The following PABPC4L variants were observed in gnomAD, a reference collection of about 807,000 sequenced individuals.
PABPC4L encodes poly(A) binding protein cytoplasmic 4 like.
For missense variants in PABPC4L, 452 were observed against 451.4 expected (o/e 1.00, Z -0.01); for synonymous variants, 169 against 164.1 (o/e 1.03, Z -0.23).
chr4:134,102,112 T>A, the PABPC4L span, among the ~76,000 whole-genome samples: 1 of 151,408 alleles, frequency 6.6e-6, no homozygotes, highest in Non-Finnish European at 1.5e-5. Flanking sequence ...CATTTAAAAA[T>A]AACCCTGAAC....
the PABPC4L span, among the ~76,000 whole-genome samples, chr4:134,108,856 T>C: frequency 6.6e-6 from 1 of 151,914 alleles, no homozygotes; most frequent in Non-Finnish European, 1.5e-5. Context: ...AAGGAGGACA[T>C]TTTTATATAG....
At chr4:133,948,691 C>T in the PABPC4L span, among the ~76,000 whole-genome samples, 27 of 152,296 alleles carry the variant, frequency 1.8e-4, no homozygotes, top group East Asian at 5.0e-3. Context: ...ACATTCTTTT[C>T]GAATTGGTAT....
chr4:134,200,935 T>A lies in PABPC4L; in HGVS notation c.85A>T (p.Lys29Ter), dbSNP rs1423242541. 6.4e-7 allele frequency: 1 copy of A among 1,560,010 alleles called. No homozygotes were observed. Among genetic ancestry groups the A allele is most frequent in the East Asian group, 2.4e-5 (1 of 41,788 alleles). Reference protein sequence around the residue: ...ADVTEDLLFRKFSTVGPVLSI... With the variant: ...ADVTEDLLFR Reference sequence around the variant, plus strand: ...AGCACAGGCCCCACAGTGCTGAACTTCCTGAACAGCAGGTCCTCGGTGACA... The same window carrying A: ...AGCACAGGCCCCACAGTGCTGAACTACCTGAACAGCAGGTCCTCGGTGACA... The change falls in exon 2 of 2, where the codon AAG becomes TAG. Residue 29 changes from lysine (K) to a stop codon, truncating the protein, a stop_gained. Transcript: ENST00000421491. LOFTEE classifies it low-confidence loss of function (END_TRUNC).
At chr4:134,154,463 A>G in the PABPC4L span, among the ~76,000 whole-genome samples, 1 of 152,094 alleles carries the variant, frequency 6.6e-6, no homozygotes, top group Admixed American at 6.6e-5. Context: ...TTAAAAAATA[A>G]ATAAATAAAT....
At chr4:134,035,780 G>A in the PABPC4L span, among the ~76,000 whole-genome samples, 2 of 151,984 alleles carry the variant, frequency 1.3e-5, no homozygotes, top group Non-Finnish European at 2.9e-5. Flanking sequence ...TATGATGGTT[G>A]AAATGATCAG....
At chr4:134,163,913 TC>T in the PABPC4L span, among the ~76,000 whole-genome samples, 1 of 151,972 alleles carries the variant, frequency 6.6e-6, no homozygotes, top group Non-Finnish European at 1.5e-5. Context: ...GTTGAAAGCA[TC>T]CCCACAAAGA....
chr4:134,104,172 G>A, the PABPC4L span, among the ~76,000 whole-genome samples: 1 of 151,712 alleles, frequency 6.6e-6, no homozygotes, highest in Admixed American at 6.6e-5. Flanking sequence ...TCCTGAATGT[G>A]AATTTCTCTA....
chr4:134,139,068 AAAGC>A, the PABPC4L span, among the ~76,000 whole-genome samples: 2 of 151,982 alleles, frequency 1.3e-5, no homozygotes, highest in East Asian at 3.8e-4. Context: ...TCATACAAAG[AAAGC>A]AAGTGACTCA....
the PABPC4L span, among the ~76,000 whole-genome samples, chr4:134,169,718 T>C: frequency 6.6e-6 from 1 of 152,012 alleles, no homozygotes; most frequent in South Asian, 2.1e-4. Flanking sequence ...CCTGGGAATA[T>C]ACTTGGCCAA....
the PABPC4L span, among the ~76,000 whole-genome samples, chr4:134,135,899 G>A: frequency 6.6e-6 from 1 of 151,894 alleles, no homozygotes; most frequent in Non-Finnish European, 1.5e-5. Context: ...CCTATCACTC[G>A]ATTGAATCAC....
chr4:133,967,454 G>A, the PABPC4L span, among the ~76,000 whole-genome samples: 1 of 152,130 alleles, frequency 6.6e-6, no homozygotes, highest in East Asian at 1.9e-4. Context: ...GGTCTACTCT[G>A]GAGATATACA....
the PABPC4L span, among the ~76,000 whole-genome samples, chr4:133,981,172 A>AG: frequency 2.0e-5 from 3 of 151,868 alleles, no homozygotes; most frequent in Non-Finnish European, 2.9e-5. Flanking sequence ...GAAAAAAAAA[A>AG]AATAGTAACA....
the PABPC4L span, among the ~76,000 whole-genome samples, chr4:134,137,991 T>C: frequency 1.3e-5 from 2 of 151,898 alleles, no homozygotes; most frequent in South Asian, 4.1e-4. Flanking sequence ...CTGTACCCAT[T>C]CCACTACTCT....
the PABPC4L span, among the ~76,000 whole-genome samples, chr4:134,039,227 A>T: frequency 1.3e-5 from 2 of 152,128 alleles, no homozygotes; most frequent in East Asian, 3.9e-4. Flanking sequence ...TTTTTTGAGG[A>T]GTGTTTTACT....
In PABPC4L at chr4:134,200,366, A is replaced by G. The variant is rs750641616; in HGVS notation, c.654T>C (p.Ser218=). Residue 218 remains serine (S), a synonymous_variant, in exon 2 of 2, where the codon AGT becomes AGC. Coordinates refer to ENST00000421491, the MANE Select transcript of PABPC4L (RefSeq NM_001114734.2). Reference sequence around the variant, plus strand: ...CACTGGAATCTGTCATCACCTTAACACTCAGAGTTTTGCCATATTTGCTGA... The same window carrying G: ...CACTGGAATCTGTCATCACCTTAACGCTCAGAGTTTTGCCATATTTGCTGA... The part of the protein sequence containing the change: ...DVFSKYGKTL[S]VKVMTDSSGK... 3 of 1,587,756 alleles carry G rather than the reference A, an allele frequency of 1.9e-6. No homozygotes were observed. The East Asian group carries it at 6.9e-5, about 36-fold the overall frequency.
the PABPC4L span, among the ~76,000 whole-genome samples, chr4:134,150,685 C>A: frequency 6.6e-6 from 1 of 152,102 alleles, no homozygotes. Context: ...AGATTTTCCA[C>A]GTTCCAATCC....
the PABPC4L span, among the ~76,000 whole-genome samples, chr4:134,071,330 C>G: frequency 6.6e-6 from 1 of 152,030 alleles, no homozygotes; most frequent in East Asian, 1.9e-4. Context: ...TGCCAGTCTT[C>G]CTTATGTACC....
chr4:134,018,237 C>A, the PABPC4L span, among the ~76,000 whole-genome samples: 2 of 152,152 alleles, frequency 1.3e-5, no homozygotes, highest in African/African-American at 4.8e-5. Flanking sequence ...TTTTCCTTTA[C>A]CTGCCCAAAT....
In PABPC4L at chr4:134,200,412, T is replaced by G. The variant is rs748741522; in HGVS notation, c.608A>C (p.Asp203Ala). 1 of 1,555,976 alleles carries G rather than the reference T, an allele frequency of 6.4e-7. No individual in the cohort carries two copies. Among genetic ancestry groups the G allele is most frequent in the Non-Finnish European group, 8.7e-7 (1 of 1,149,066 alleles). The change falls in exon 2 of 2, where the codon GAT (aspartate) becomes GCT (alanine). Residue 203 changes from aspartate to alanine, a missense_variant. Asp to Ala is a moderately radical substitution (Grantham distance 126). Coordinates refer to ENST00000421491, the MANE Select transcript of PABPC4L (RefSeq NM_001114734.2). ...GCTGAAAACGTCCTTCAATCTCTCA[T>G]CATCCATGTCACCTCCAAAGTTTTT... is the stretch of plus-strand genomic sequence containing the variant. Reference protein sequence around the residue: ...YIKNFGGDMDDERLKDVFSKY... With the variant: ...YIKNFGGDMDAERLKDVFSKY...
Sources: gnomAD v4.1 joint callset for allele counts (sites outside exome capture counted in the v4.1 genomes callset) on GRCh38, gnomAD v4.1.1 for gene constraint, MANE v1.5 for transcripts, NCBI Gene and HGNC (gene_info 2026-07-23, HGNC 2026-07-21) for gene names.